MAP4K5: variants seen among roughly 807,000 people sequenced by gnomAD.
MAP4K5 encodes mitogen-activated protein kinase kinase kinase kinase 5.
MAP4K5 carries 82 observed loss-of-function variants against 135.6 expected under a neutral mutation model. The ratio of observed to expected loss-of-function variants is 0.60; its 90% CI spans 0.51 to 0.73. The LOEUF (loss-of-function observed/expected upper bound fraction) is 0.73. MAP4K5 is among the 30% of genes least tolerant of loss of function. MAP4K5 has a pLI of 0.00. For synonymous variants in MAP4K5, 347 were observed against 335.0 expected (o/e 1.04, Z -0.39); for missense variants, 907 against 1,010.9 (o/e 0.90, Z 1.39).
rs796323860 is a variant in MAP4K5 at position 50,546,381 on chromosome 14, CGTGTGTGTGTGTGA to C, written c.-179-3811_-179-3798del. ...AAGGTACTGGGTGTGTGTGTGTGTGCGTGTGTGTGTGTGAGAGAGCATACATGTTTATGTTTATA... is the reference window on the plus strand; with the variant it reads ...AAGGTACTGGGTGTGTGTGTGTGTGCGAGAGCATACATGTTTATGTTTATA... On this transcript the variant is annotated intron_variant, in intron 1 of 8. Coordinates refer to the MAP4K5 transcript ENST00000555216. Among the ~76,000 whole-genome samples the C allele has an allele frequency of 1.1e-3, 171 of 150,258 alleles. 2 individuals are homozygous for C. In the South Asian group the frequency reaches 0.034, roughly 30 times the overall value.
At chr14:50,478,671 C>T (rs561975286) in intron 6 of MAP4K5, among the ~76,000 whole-genome samples, 2 of 152,238 alleles carry the variant, frequency 1.3e-5, no homozygotes, top group Admixed American at 1.3e-4. Context: ...ATACAAAATG[C>T]TCCAATGAGC....
At chr14:50,520,904 C>T (rs989279139) in intron 2 of MAP4K5, among the ~76,000 whole-genome samples, 2 of 151,034 alleles carry the variant, frequency 1.3e-5, no homozygotes, top group African/African-American at 4.9e-5. Context: ...CCCACCGCAA[C>T]CTCCACCTCC....
intron 14 of MAP4K5, among the ~76,000 whole-genome samples, chr14:50,455,172 T>C (rs1361413098): frequency 2.6e-5 from 4 of 151,960 alleles, no homozygotes; most frequent in Admixed American, 2.0e-4. Flanking sequence ...GAAACTCAAG[T>C]TGAATCCATA....
chr14:50,440,111 A>G (rs1327631088), intron 22 of MAP4K5, 38 bp from the exon 23 acceptor site: 2 of 1,206,490 alleles, frequency 1.7e-6, no homozygotes, highest in South Asian at 2.9e-5. Flanking sequence ...TCTCATTGTC[A>G]TTATTTTAAT....
At chr14:50,432,998 C>T (rs546206216) in intron 28 of MAP4K5, among the ~76,000 whole-genome samples, 8 of 152,152 alleles carry the variant, frequency 5.3e-5, no homozygotes, top group East Asian at 1.9e-4. Context: ...CCACCACGCC[C>T]GGCTAAGTTT....
intron 30 of MAP4K5, 56 bp downstream of exon 30, chr14:50,428,606 G>A (rs927550594): frequency 3.0e-6 from 3 of 991,974 alleles, no homozygotes; most frequent in South Asian, 1.6e-5. Flanking sequence ...AGTACAGAAT[G>A]AATTTTAATA....
chr14:50,457,501 A>G (rs936529000), intron 13 of MAP4K5, among the ~76,000 whole-genome samples: 1 of 152,080 alleles, frequency 6.6e-6, no homozygotes, highest in African/African-American at 2.4e-5. Flanking sequence ...TCATTCACTG[A>G]TGACTCTCAA....
At chr14:50,512,559 AT>A (rs894036929) in intron 2 of MAP4K5, among the ~76,000 whole-genome samples, 2 of 152,176 alleles carry the variant, frequency 1.3e-5, no homozygotes, top group African/African-American at 4.8e-5. Context: ...GTCAGCCTCC[AT>A]TTTGAAGACA....
chr14:50,468,560 T>C lies in MAP4K5; in HGVS notation c.674+91A>G, dbSNP rs1301569523. ...TTACAATACCTTTACTATTTTTCAT[T>C]CTTAAAAATGAGCTTGATGCTGAGT... On this transcript the variant is annotated intron_variant, in intron 10 of 32. Coordinates refer to ENST00000682126, the MANE Select transcript of MAP4K5 (RefSeq NM_006575.6). 2.3e-6 allele frequency: 3 copies of C among 1,308,214 alleles called. No homozygotes were observed. In the African/African-American group the frequency reaches 4.4e-5, roughly 19 times the overall value. 81.0% of individuals were successfully genotyped at this position (1,308,214 alleles called of 1,614,324 possible).
At chr14:50,469,384 G>C (rs1418734912) in intron 9 of MAP4K5, among the ~76,000 whole-genome samples, 1 of 152,188 alleles carries the variant, frequency 6.6e-6, no homozygotes, top group Non-Finnish European at 1.5e-5. Context: ...CACATGGTTA[G>C]AGAAAGTCTC....
Position 50,437,970 on chromosome 14 carries a change from A to G in MAP4K5, c.1747T>C (p.Leu583=). Residue 583 remains leucine, a synonymous_variant, in exon 25 of 33, where the codon TTG becomes CTG. Transcript: ENST00000682126. ...FQLYSHNLIA[L]FEHAKKPGLA... is the part of the protein sequence containing the mutation. ...CCTGGTTTTTTGGCATGTTCAAACA[A>G]AGCTATAAGATTGTGAGAGTAGAGC... The G allele has an allele frequency of 6.2e-7, 1 of 1,612,250 alleles. No homozygotes were observed. The highest frequency in any genetic ancestry group is 2.2e-5 in the East Asian group (1 of 44,808).
intron 1 of MAP4K5, among the ~76,000 whole-genome samples, chr14:50,547,433 T>G (rs1227606120): frequency 6.6e-6 from 1 of 152,066 alleles, no homozygotes; most frequent in East Asian, 1.9e-4. Flanking sequence ...GTGAGCTGAA[T>G]AAAAACAAGG....
intron 2 of MAP4K5, 59 bp downstream of exon 2, chr14:50,531,883 T>A: frequency 8.6e-7 from 1 of 1,164,308 alleles, no homozygotes; most frequent in Non-Finnish European, 1.3e-6. Flanking sequence ...CGCAGGAAAG[T>A]GGCCCCATTC....
intron 3 of MAP4K5, among the ~76,000 whole-genome samples, chr14:50,500,634 C>T (rs896179649): frequency 2.6e-5 from 4 of 152,086 alleles, no homozygotes; most frequent in Admixed American, 2.6e-4. Context: ...TTTAAAAGTT[C>T]ACTCCAGAGG....
At position 50,466,584 on chromosome 14, in the gene MAP4K5, A is replaced by G; in HGVS notation, c.736T>C (p.Trp246Arg). Residue 246 changes from tryptophan (W) to arginine (R), a missense_variant and splice_region_variant, in exon 11 of 33, where the codon TGG (tryptophan) becomes CGG (arginine). This residue lies in a region of MAP4K5 where 690 missense variants were observed against 777.4 expected (regional missense o/e 0.89). Coordinates refer to ENST00000682126, the MANE Select transcript of MAP4K5 (RefSeq NM_006575.6). ...QPPKLKDKTK[W>R]SSTFHNFVKI... ...AAAACTATATATTCTTTAACTCACC[A>G]TTTTGTTTTGTCCTTTAGTTTTGGA... 3 of 1,399,130 alleles carry G rather than the reference A, an allele frequency of 2.1e-6. No individual in the cohort carries two copies. Among genetic ancestry groups the G allele is most frequent in the Non-Finnish European group, 2.0e-6 (2 of 1,009,640 alleles). The allele number at this position is 1,399,130 out of a possible 1,614,324, so 86.7% of individuals were successfully genotyped here.
chr14:50,481,894 G>A lies in MAP4K5; in HGVS notation c.378+467C>T, dbSNP rs140745411. On this transcript the variant is annotated intron_variant, in intron 6 of 32. Coordinates refer to ENST00000682126, the MANE Select transcript of MAP4K5 (RefSeq NM_006575.6). The stretch of plus-strand genomic sequence containing the variant: ...AGATAACACCTTGAGTTAATGCTGT[G>A]CTAATTTATTTTATTTCAAGAGAAA... Among the ~76,000 whole-genome samples the A allele has an allele frequency of 4.3e-3, 652 of 152,300 alleles. 5 individuals carry two copies. Among genetic ancestry groups the A allele is most frequent in the Middle Eastern group, 0.024 (7 of 294 alleles).
At chr14:50,486,450 T>C (rs916339452) in intron 3 of MAP4K5, among the ~76,000 whole-genome samples, 2 of 152,176 alleles carry the variant, frequency 1.3e-5, no homozygotes, top group Admixed American at 6.5e-5. Flanking sequence ...TACCACAGTA[T>C]GGTTTAATAA....
At chr14:50,494,815 C>G (rs1243874024) in intron 3 of MAP4K5, among the ~76,000 whole-genome samples, 5 of 152,150 alleles carry the variant, frequency 3.3e-5, no homozygotes, top group East Asian at 1.9e-4. Flanking sequence ...ACAAGGGTAT[C>G]AGAACTACTT....
intron 2 of MAP4K5, 64 bp from the exon 3 acceptor site, chr14:50,504,921 T>C: frequency 1.9e-6 from 2 of 1,027,572 alleles, no homozygotes; most frequent in Non-Finnish European, 2.9e-6. Flanking sequence ...TTAAAATTAC[T>C]TGGTACTATG....
Sources: allele counts gnomAD v4.1 joint callset (sites outside exome capture counted in the v4.1 genomes callset), GRCh38; gene constraint gnomAD v4.1.1; regional missense constraint gnomAD v4.1.1; transcripts MANE v1.5; gene names NCBI Gene and HGNC (gene_info 2026-07-23, HGNC 2026-07-21).